Variants in RNF6 observed in about 807,000 individuals in gnomAD.
RNF6 encodes the protein ring finger protein 6.
RNF6 carries 21 observed loss-of-function variants against 50.1 expected under a neutral mutation model. The observed-to-expected ratio is 0.42, with a 90% CI of 0.30 to 0.60. The LOEUF (loss-of-function observed/expected upper bound fraction) is 0.60, where lower values mean the gene tolerates loss of function less well. Among genes scored for constraint, RNF6 ranks in the 20% least tolerant of loss-of-function variants. The probability of loss-of-function intolerance (pLI) is 0.20; values close to 1 mark genes in which losing one functional copy is unlikely to be tolerated. For synonymous variants in RNF6, 255 were observed against 291.8 expected, an observed-to-expected ratio of 0.87 and a Z score of 1.29; for missense variants, 698 against 838.2, an observed-to-expected ratio of 0.83 and a Z score of 2.07.
At chr13:26,152,409 T>A (rs539489252) in intron 5 of RNF6, among the ~76,000 whole-genome samples, 28 of 152,198 alleles carry the variant, frequency 1.8e-4, no homozygotes, top group Non-Finnish European at 3.8e-4. Flanking sequence ...TTGGCTTAAA[T>A]GTCACCTCTT....
intron 5 of RNF6, among the ~76,000 whole-genome samples, chr13:26,183,230 G>T (rs1873326476): frequency 6.6e-6 from 1 of 152,172 alleles, no homozygotes; most frequent in African/African-American, 2.4e-5. Context: ...CATTCAGTTT[G>T]CTTTCAAATG....
chr13:26,216,512 T>G (rs182208337), intron 4 of RNF6, among the ~76,000 whole-genome samples: 1 of 152,276 alleles, frequency 6.6e-6, no homozygotes, highest in African/African-American at 2.4e-5. Flanking sequence ...GTGTCACCCA[T>G]AAACTTTTTT....
chr13:26,147,314 G>A (rs1871302329), intron 5 of RNF6, among the ~76,000 whole-genome samples: 1 of 152,230 alleles, frequency 6.6e-6, no homozygotes, highest in South Asian at 2.1e-4. Flanking sequence ...AAAACAAAGA[G>A]AGGTGATGGG....
At chr13:26,168,150 A>G (rs7983335) in intron 5 of RNF6, among the ~76,000 whole-genome samples, 113,207 of 152,106 alleles carry the variant, frequency 0.74, 42,406 homozygotes, top group East Asian at 0.8. Flanking sequence ...TCCCCATGAC[A>G]AGAGTTTCCC....
At chr13:26,211,425 A>T (rs1486282110), downstream of RNF6, among the ~76,000 whole-genome samples, 1 of 152,108 alleles carries the variant, frequency 6.6e-6, no homozygotes, top group African/African-American at 2.4e-5. Context: ...CTATTGCATC[A>T]GGCCCAGGGA....
intron 5 of RNF6, among the ~76,000 whole-genome samples, chr13:26,149,848 A>T (rs1482563923): frequency 1.4e-5 from 2 of 143,548 alleles, no homozygotes; most frequent in Non-Finnish European, 3.0e-5. Flanking sequence ...ACACATACAC[A>T]GTGTATATAT....
chr13:26,210,738 A>G (rs1362628857), downstream of RNF6, among the ~76,000 whole-genome samples: 1 of 152,238 alleles, frequency 6.6e-6, no homozygotes, highest in African/African-American at 2.4e-5. Flanking sequence ...AAACTCTGCC[A>G]ATTACTAAGT....
At chr13:26,190,698 T>G (rs1868420337) in intron 5 of RNF6, among the ~76,000 whole-genome samples, 1 of 152,242 alleles carries the variant, frequency 6.6e-6, no homozygotes, top group African/African-American at 2.4e-5. Flanking sequence ...AATGTTCTAT[T>G]CATCAATTGA....
At chr13:26,145,505 T>C (rs1871185148) in intron 5 of RNF6, among the ~76,000 whole-genome samples, 1 of 151,980 alleles carries the variant, frequency 6.6e-6, no homozygotes, top group Non-Finnish European at 1.5e-5. Context: ...TGAGATCTGC[T>C]TGTTTAAAAG....
intron 5 of RNF6, chr13:26,154,087 C>T (rs7319418): frequency 0.72 from 109,313 of 152,104 alleles, 39,619 homozygotes; most frequent in East Asian, 0.83. Context: ...TGCAATATAG[C>T]AATGAACAAG....
chr13:26,192,733 C>A (rs530504642), intron 5 of RNF6, among the ~76,000 whole-genome samples: 2 of 152,292 alleles, frequency 1.3e-5, no homozygotes, highest in East Asian at 3.9e-4. Flanking sequence ...AATCCAACAG[C>A]CCTCAAGGAG....
intron 5 of RNF6, among the ~76,000 whole-genome samples, chr13:26,207,292 A>G (rs1484066977): frequency 5.3e-5 from 8 of 152,188 alleles, no homozygotes; most frequent in Admixed American, 5.2e-4. Context: ...AATGGTAAAA[A>G]TGAGATTGGA....
chr13:26,176,776 A>C (rs959142540), intron 5 of RNF6, among the ~76,000 whole-genome samples: 43 of 152,182 alleles, frequency 2.8e-4, no homozygotes, highest in African/African-American at 1.0e-3. Flanking sequence ...TCTACTAAAA[A>C]TACAAAAATT....
At chr13:26,189,056 T>C (rs1051871387) in intron 5 of RNF6, among the ~76,000 whole-genome samples, 1 of 151,640 alleles carries the variant, frequency 6.6e-6, no homozygotes, top group African/African-American at 2.4e-5. Flanking sequence ...TAGCCAGGGA[T>C]GGTGGCTAAC....
At chr13:26,132,443 TG>T in exon 6 of RNF6, 1 of 460,334 alleles carries the variant, frequency 2.2e-6, no homozygotes, top group Non-Finnish European at 4.4e-6. Flanking sequence ...AGCTTGTATC[TG>T]GCAAAGCCTA....
chr13:26,189,108 C>T (rs9553765), intron 5 of RNF6, among the ~76,000 whole-genome samples: 2 of 151,908 alleles, frequency 1.3e-5, no homozygotes, highest in Non-Finnish European at 2.9e-5. Flanking sequence ...GCAGGTGGAT[C>T]ACCTGAGGTC....
intron 5 of RNF6, among the ~76,000 whole-genome samples, chr13:26,201,626 G>C (rs1204958121): frequency 6.6e-6 from 1 of 152,188 alleles, no homozygotes; most frequent in Admixed American, 6.5e-5. Flanking sequence ...ACACTATCTA[G>C]AGGAATGGCT....
chr13:26,151,696 T>C (rs1221121161), intron 5 of RNF6, among the ~76,000 whole-genome samples: 1 of 151,696 alleles, frequency 6.6e-6, no homozygotes, highest in East Asian at 1.9e-4. Flanking sequence ...GAATTAGTTG[T>C]GGCTAGTGCT....
At chr13:26,191,756 T>A (rs1868468434) in intron 5 of RNF6, among the ~76,000 whole-genome samples, 1 of 152,218 alleles carries the variant, frequency 6.6e-6, no homozygotes. Flanking sequence ...CAGTCTCAGG[T>A]AGTTATTTAT....
Sources: gnomAD v4.1 joint callset for allele counts (sites outside exome capture counted in the v4.1 genomes callset) on GRCh38, gnomAD v4.1.1 for gene constraint, MANE v1.5 for transcripts, NCBI Gene and HGNC (gene_info 2026-07-23, HGNC 2026-07-21) for gene names.